MPPED2: variants seen among roughly 807,000 people sequenced by gnomAD.
MPPED2 encodes metallophosphoesterase domain containing 2.
Under a neutral mutation model 33.0 loss-of-function variants are expected in MPPED2, and 5 were observed. The observed-to-expected ratio is 0.15, with a 90% CI of 0.08 to 0.32. MPPED2 has a LOEUF of 0.32. Among genes scored for constraint, MPPED2 ranks in the 10% least tolerant of loss-of-function variants. The pLI, the probability that MPPED2 is intolerant of heterozygous loss-of-function variation, is 1.00. For missense variants in MPPED2, 275 were observed against 372.1 expected (o/e 0.74, Z 2.15); for synonymous variants, 136 against 141.9 (o/e 0.96, Z 0.29).
chr11:30,483,954 T>C (rs1018493112), intron 4 of MPPED2, among the ~76,000 whole-genome samples: 4 of 152,230 alleles, frequency 2.6e-5, no homozygotes, highest in African/African-American at 9.6e-5. Flanking sequence ...TAGTTCTATA[T>C]GCAATCATTT....
At chr11:30,412,314 C>T (rs1371978812) in intron 6 of MPPED2, among the ~76,000 whole-genome samples, 2 of 150,510 alleles carry the variant, frequency 1.3e-5, no homozygotes, top group African/African-American at 4.9e-5. Context: ...AAAGTTGTTT[C>T]CCTAGGTCTT....
intron 3 of MPPED2, among the ~76,000 whole-genome samples, chr11:30,522,682 C>T (rs1953942163): frequency 6.6e-6 from 1 of 152,164 alleles, no homozygotes; most frequent in Admixed American, 6.5e-5. Context: ...AGGCTAGTGG[C>T]CTGCCCTGCG....
At chr11:30,478,399 C>A (rs1488605834) in intron 4 of MPPED2, among the ~76,000 whole-genome samples, 1 of 151,524 alleles carries the variant, frequency 6.6e-6, no homozygotes, top group African/African-American at 2.4e-5. Context: ...TAATGTATAC[C>A]TGGAAAAAGA....
In MPPED2 at chr11:30,442,906, C is replaced by G. The variant is rs185380762; in HGVS notation, c.537-25273G>C. ...GCTTGAGCCTGTAGCTCCAGCTACT[C>G]CTGCTTGGGCCAGGAGTTTGAGGCA... On this transcript the variant is annotated intron_variant, in intron 4 of 6. Coordinates refer to ENST00000358117, the MANE Select transcript of MPPED2 (RefSeq NM_001584.3). Among the ~76,000 whole-genome samples the G allele has an allele frequency of 1.4e-4, 22 of 152,204 alleles. No individual in the cohort carries two copies. The East Asian group carries it at 4.1e-3, about 28-fold the overall frequency.
intron 2 of MPPED2, among the ~76,000 whole-genome samples, chr11:30,550,689 G>C (rs1955665194): frequency 6.6e-6 from 1 of 152,044 alleles, no homozygotes; most frequent in African/African-American, 2.4e-5. Context: ...GGTCTGTCCG[G>C]GACACTTTAC....
intron 4 of MPPED2, among the ~76,000 whole-genome samples, chr11:30,470,215 A>G (rs764510649): frequency 6.6e-6 from 1 of 152,162 alleles, no homozygotes; most frequent in Non-Finnish European, 1.5e-5. Flanking sequence ...GAGGTTTTGG[A>G]AAACCTCCCT....
In MPPED2 at chr11:30,418,555, GATCTT is replaced by G. The variant is rs369977323; in HGVS notation, c.537-927_537-923del. 1.4e-3 allele frequency among the ~76,000 whole-genome samples: 217 copies of G among 152,308 alleles called. 1 individual carries two copies. The highest frequency in any genetic ancestry group is 4.9e-3 in the African/African-American group (204 of 41,578). On this transcript the variant is annotated intron_variant, in intron 4 of 6. Coordinates refer to ENST00000358117, the MANE Select transcript of MPPED2 (RefSeq NM_001584.3). ...GTGTTATCCTATTCCCAAACATCTA[GATCTT>G]ATCAGTATTCTTTAAAACTGTTCTA...
intron 4 of MPPED2, among the ~76,000 whole-genome samples, chr11:30,440,172 A>G (rs992307212): frequency 9.2e-5 from 14 of 152,134 alleles, no homozygotes; most frequent in Admixed American, 1.3e-4. Flanking sequence ...TCTACTAAAA[A>G]TACAAAAACT....
chr11:30,490,300 C>T (rs964440690), intron 4 of MPPED2, among the ~76,000 whole-genome samples: 1 of 152,014 alleles, frequency 6.6e-6, no homozygotes, highest in African/African-American at 2.4e-5. Context: ...TGCCTGACAA[C>T]AAAAAACCTT....
chr11:30,577,850 A>C (rs1956995834), intron 2 of MPPED2, among the ~76,000 whole-genome samples: 1 of 152,228 alleles, frequency 6.6e-6, no homozygotes, highest in Non-Finnish European at 1.5e-5. Flanking sequence ...TCCAAGCATC[A>C]ATCTATTCTC....
Position 30,414,314 on chromosome 11 carries a change from A to G in MPPED2, c.680T>C (p.Leu227Pro), listed in dbSNP as rs1948244179. Residue 227 changes from leucine to proline, a missense_variant, in exon 6 of 7, where the codon CTT becomes CCT. Transcript: ENST00000358117. ...LGFRDWVPKE[L>P]QRVGCVELLN... ...CAGCTCCACACAGCCCACTCTTTGAAGCTCCTTTGGAACCCAGTCTCGAAA... is the reference window on the plus strand; with the variant it reads ...CAGCTCCACACAGCCCACTCTTTGAGGCTCCTTTGGAACCCAGTCTCGAAA... 4 of 1,613,958 alleles carry G rather than the reference A, an allele frequency of 2.5e-6. No homozygotes were observed. The highest frequency in any genetic ancestry group is 3.4e-6 in the Non-Finnish European group (4 of 1,179,866).
intron 4 of MPPED2, among the ~76,000 whole-genome samples, chr11:30,437,043 G>A (rs977561676): frequency 1.3e-5 from 2 of 152,182 alleles, no homozygotes; most frequent in African/African-American, 4.8e-5. Context: ...CTCTATTTAA[G>A]CGAAGGAAAT....
At chr11:30,416,690 C>T (rs1050323333) in intron 5 of MPPED2, among the ~76,000 whole-genome samples, 1 of 152,044 alleles carries the variant, frequency 6.6e-6, no homozygotes, top group Admixed American at 6.6e-5. Flanking sequence ...AAGAAAAAAT[C>T]GAACAGTCTT....
chr11:30,390,933 G>C (rs754909909), intron 6 of MPPED2, among the ~76,000 whole-genome samples: 1 of 152,166 alleles, frequency 6.6e-6, no homozygotes, highest in Non-Finnish European at 1.5e-5. Flanking sequence ...AAAGACGATG[G>C]AAGTGAACTG....
chr11:30,543,340 T>C (rs896522513), intron 2 of MPPED2, among the ~76,000 whole-genome samples: 2 of 152,178 alleles, frequency 1.3e-5, no homozygotes, highest in Non-Finnish European at 2.9e-5. Flanking sequence ...TTTGTGTTCT[T>C]ACTACATATA....
At chr11:30,485,916 C>T (rs914020592) in intron 4 of MPPED2, among the ~76,000 whole-genome samples, 1 of 152,154 alleles carries the variant, frequency 6.6e-6, no homozygotes, top group African/African-American at 2.4e-5. Context: ...CATAACACAA[C>T]ATGGCTCTGA....
chr11:30,491,451 C>G (rs1316082210), intron 4 of MPPED2, among the ~76,000 whole-genome samples: 1 of 152,174 alleles, frequency 6.6e-6, no homozygotes, highest in Non-Finnish European at 1.5e-5. Context: ...GTCCCATAGT[C>G]TCCTTATGAA....
Position 30,495,376 on chromosome 11 carries a change from A to G in MPPED2, c.456T>C (p.Val152=). The G allele has an allele frequency of 6.2e-7, 1 of 1,614,150 alleles. No homozygotes were observed. The highest frequency in any genetic ancestry group is 8.5e-7 in the Non-Finnish European group (1 of 1,180,004). The change falls in exon 4 of 7, where the codon GTT becomes GTC. Residue 152 remains valine (V), a synonymous_variant. Coordinates refer to ENST00000358117, the MANE Select transcript of MPPED2 (RefSeq NM_001584.3). ...SKLKPEDFDN[V]QSLLTNSIYL... The stretch of plus-strand genomic sequence containing the variant: ...AAATACTGTTTGTCAGGAGGGACTG[A>G]ACATTGTCAAAGTCCTCTGGTTTCA...
chr11:30,498,388 C>T (rs796975585), intron 3 of MPPED2, among the ~76,000 whole-genome samples: 1 of 151,974 alleles, frequency 6.6e-6, no homozygotes, highest in South Asian at 2.1e-4. Context: ...AGTTTGAGAC[C>T]AGCCTGGCCA....
Sources: gnomAD v4.1 joint callset for allele counts (sites outside exome capture counted in the v4.1 genomes callset) on GRCh38, gnomAD v4.1.1 for gene constraint, MANE v1.5 for transcripts, NCBI Gene and HGNC (gene_info 2026-07-23, HGNC 2026-07-21) for gene names.